Variants in PITPNC1 observed in about 807,000 individuals in gnomAD.
PITPNC1 encodes cytoplasmic phosphatidylinositol transfer protein 1.
A neutral mutation model predicts 44.7 loss-of-function variants in PITPNC1; 18 were observed. The ratio of observed to expected loss-of-function variants is 0.40; its 90% CI spans 0.28 to 0.60. The LOEUF (loss-of-function observed/expected upper bound fraction) is 0.60, where lower values mean the gene tolerates loss of function less well. PITPNC1 is among the 20% of genes least tolerant of loss of function. The pLI is 0.39. For synonymous variants in PITPNC1, 141 were observed against 149.6 expected (o/e 0.94, Z 0.42); for missense variants, 290 against 418.4 (o/e 0.69, Z 2.68).
chr17:67,605,206 T>C (rs967023160), intron 5 of PITPNC1, among the ~76,000 whole-genome samples: 1 of 152,194 alleles, frequency 6.6e-6, no homozygotes, highest in African/African-American at 2.4e-5. Flanking sequence ...GTCTGAATAA[T>C]TTATTTTTCC....
Position 67,616,879 on chromosome 17 carries a change from G to A in PITPNC1, c.367-15264G>A, listed in dbSNP as rs117135708. 5.4e-3 allele frequency among the ~76,000 whole-genome samples: 821 copies of A among 152,234 alleles called. 4 individuals are homozygous for A. The highest frequency in any genetic ancestry group is 6.1e-3 in the Non-Finnish European group (414 of 68,026). ...ATGTTAAACTTCGCAGATGAGCCAC[G>A]CCTGAAGTTATTCCTGTCCTTCTTT... On this transcript the variant is annotated intron_variant, in intron 5 of 8. Coordinates refer to ENST00000581322, the MANE Select transcript of PITPNC1 (RefSeq NM_012417.4).
intron 1 of PITPNC1, among the ~76,000 whole-genome samples, chr17:67,432,178 C>A (rs1317511648): frequency 1.3e-5 from 2 of 152,184 alleles, no homozygotes; most frequent in African/African-American, 4.8e-5. Flanking sequence ...GAAGAATTGT[C>A]TTGGACCACA....
intron 2 of PITPNC1, among the ~76,000 whole-genome samples, chr17:67,541,518 A>T (rs1228246478): frequency 6.6e-6 from 1 of 152,106 alleles, no homozygotes; most frequent in Non-Finnish European, 1.5e-5. Context: ...GTAATAGATT[A>T]TACAGCTGCA....
chr17:67,445,176 T>TG (rs2039077666), intron 1 of PITPNC1, among the ~76,000 whole-genome samples: 1 of 152,032 alleles, frequency 6.6e-6, no homozygotes, highest in African/African-American at 2.4e-5. Context: ...GTTGACCGAC[T>TG]TCAGTGTTTT....
chr17:67,541,468 T>C (rs200746499), intron 2 of PITPNC1, among the ~76,000 whole-genome samples: 4 of 149,488 alleles, frequency 2.7e-5, no homozygotes, highest in Admixed American at 1.3e-4. Flanking sequence ...CAATTATACA[T>C]ACACACACAC....
At chr17:67,571,269 A>G (rs2041052900) in intron 4 of PITPNC1, among the ~76,000 whole-genome samples, 1 of 152,114 alleles carries the variant, frequency 6.6e-6, no homozygotes. Context: ...CATCTCTACT[A>G]AAAGTAAAAA....
intron 5 of PITPNC1, chr17:67,612,467 T>A (rs1454883220): frequency 6.6e-6 from 1 of 152,268 alleles, no homozygotes; most frequent in Non-Finnish European, 1.5e-5. Flanking sequence ...CGTCCTCACT[T>A]CCAGGTGATG....
At chr17:67,599,001 C>CATACATATATATATATATATAT in intron 5 of PITPNC1, among the ~76,000 whole-genome samples, 2 of 45,162 alleles carry the variant, frequency 4.4e-5, no homozygotes, top group South Asian at 1.3e-3. Context: ...ATAAGAAATA[C>CATACATATATATATATATATAT]ATATATATAT....
At chr17:67,605,405 G>A (rs957757650) in intron 5 of PITPNC1, among the ~76,000 whole-genome samples, 1 of 152,196 alleles carries the variant, frequency 6.6e-6, no homozygotes, top group African/African-American at 2.4e-5. Flanking sequence ...CCGCCTGCCA[G>A]CTGGCAGCCG....
intron 4 of PITPNC1, among the ~76,000 whole-genome samples, chr17:67,575,114 G>A (rs2041121984): frequency 1.3e-5 from 2 of 151,760 alleles, no homozygotes; most frequent in South Asian, 4.2e-4. Flanking sequence ...CCACACCCAC[G>A]CTCCACAACT....
intron 5 of PITPNC1, among the ~76,000 whole-genome samples, chr17:67,631,415 G>C (rs1265282140): frequency 6.9e-6 from 1 of 144,580 alleles, no homozygotes; most frequent in Admixed American, 7.0e-5. Context: ...GGATCACGAG[G>C]TCAGGAGATC....
intron 2 of PITPNC1, among the ~76,000 whole-genome samples, chr17:67,550,031 AT>A (rs1405300288): frequency 1.3e-5 from 2 of 152,100 alleles, no homozygotes; most frequent in African/African-American, 4.8e-5. Context: ...AGCCAGTGTA[AT>A]TTTCCCACTG....
chr17:67,640,373 A>G (rs2042079463), intron 6 of PITPNC1, among the ~76,000 whole-genome samples: 1 of 152,254 alleles, frequency 6.6e-6, no homozygotes, highest in East Asian at 1.9e-4. Context: ...GGATGATGCC[A>G]GTGCTGTTAG....
At chr17:67,681,433 G>A (rs536260008) in intron 8 of PITPNC1, among the ~76,000 whole-genome samples, 1 of 151,514 alleles carries the variant, frequency 6.6e-6, no homozygotes, top group Non-Finnish European at 1.5e-5. Flanking sequence ...GGCAACACAG[G>A]GAGACCCCAT....
intron 6 of PITPNC1, among the ~76,000 whole-genome samples, chr17:67,636,867 C>T (rs1022395600): frequency 1.3e-5 from 2 of 152,176 alleles, no homozygotes; most frequent in Non-Finnish European, 2.9e-5. Flanking sequence ...TAACACCCTC[C>T]ACCCCACCAC....
At chr17:67,392,614 C>A (rs2038154540) in intron 1 of PITPNC1, among the ~76,000 whole-genome samples, 1 of 151,926 alleles carries the variant, frequency 6.6e-6, no homozygotes, top group Non-Finnish European at 1.5e-5. Context: ...TTTCAAAATT[C>A]AAAATGATCA....
intron 1 of PITPNC1, among the ~76,000 whole-genome samples, chr17:67,513,816 C>G (rs934089707): frequency 4.6e-5 from 7 of 152,112 alleles, no homozygotes; most frequent in Non-Finnish European, 8.8e-5. Context: ...GCTTAGCATC[C>G]TATGGATCTA....
At chr17:67,561,919 T>A (rs2040911853) in intron 4 of PITPNC1, among the ~76,000 whole-genome samples, 1 of 152,216 alleles carries the variant, frequency 6.6e-6, no homozygotes, top group Non-Finnish European at 1.5e-5. Flanking sequence ...TTACATGCAA[T>A]TCTTTTTATT....
At chr17:67,534,025 G>A (rs564449856) in intron 2 of PITPNC1, among the ~76,000 whole-genome samples, 78 of 152,086 alleles carry the variant, frequency 5.1e-4, no homozygotes, top group Middle Eastern at 3.4e-3. Flanking sequence ...CTCCCGAGTA[G>A]CTGGGATTAC....
Sources: allele counts gnomAD v4.1 joint callset (sites outside exome capture counted in the v4.1 genomes callset), GRCh38; gene constraint gnomAD v4.1.1; transcripts MANE v1.5; gene names NCBI Gene and HGNC (gene_info 2026-07-23, HGNC 2026-07-21).